ACYP1: variants seen among roughly 807,000 people sequenced by gnomAD.
The protein encoded by ACYP1 is acylphosphatase 1.
Under a neutral mutation model 10.4 loss-of-function variants are expected in ACYP1, and 8 were observed. The ratio of observed to expected loss-of-function variants is 0.77; its 90% CI spans 0.45 to 1.38. The LOEUF (loss-of-function observed/expected upper bound fraction) is 1.38. Among genes scored for constraint, ACYP1 ranks in the 40% most tolerant of loss-of-function variants. The pLI is 0.00. For missense variants in ACYP1, 93 were observed against 117.3 expected, an observed-to-expected ratio of 0.79 and a Z score of 0.96; for synonymous variants, 38 against 40.8, an observed-to-expected ratio of 0.93 and a Z score of 0.26.
In ACYP1 at chr14:75,063,988, T is replaced by C; in HGVS notation, c.-43A>G. On this transcript the variant is annotated 5_prime_UTR_variant, in exon 1 of 3. Transcript: ENST00000238618. ...CTTCCCCACCGGCTGCCAGGATCAC[T>C]CCGGGACCACCACGCCAACGGCTCA... 1.0e-6 allele frequency: 1 copy of C among 993,060 alleles called. No individual in the cohort carries two copies. Among genetic ancestry groups the C allele is most frequent in the Non-Finnish European group, 1.2e-6 (1 of 834,144 alleles). 61.5% of individuals were successfully genotyped at this position (993,060 alleles called of 1,614,324 possible).
In ACYP1 at chr14:75,053,446, A is replaced by G. The variant is rs1458766286; in HGVS notation, c.298T>C (p.Ter100GlnextTer33). Residue 100 changes from the stop codon to glutamine (Q), a stop_lost, in exon 3 of 3, where the codon TAA (stop) becomes CAA (glutamine). Coordinates refer to ENST00000238618, the MANE Select transcript of ACYP1 (RefSeq NM_001107.5). Reference protein sequence around the residue: ...LDYSDFQIVK* With the variant: ...LDYSDFQIVKQ ...TTAGAAAACTTAAATTCAGGCCATTATTTTACAATTTGGAAGTCTGAGTAA... is the reference window on the plus strand; with the variant it reads ...TTAGAAAACTTAAATTCAGGCCATTGTTTTACAATTTGGAAGTCTGAGTAA... The G allele has an allele frequency of 4.3e-6, 7 of 1,613,892 alleles. No individual in the cohort carries two copies. The East Asian group carries it at 6.7e-5, about 15-fold the overall frequency.
chr14:75,057,830 T>G (rs1048622142), intron 2 of ACYP1, among the ~76,000 whole-genome samples: 27 of 149,616 alleles, frequency 1.8e-4, no homozygotes, highest in South Asian at 8.7e-4. Flanking sequence ...CCGGGCGCAG[T>G]GGTGGGTGCC....
At chr14:75,063,663 T>C (rs1893085921) in intron 1 of ACYP1, 102 bp from the exon 2 acceptor site, 7 of 912,852 alleles carry the variant, frequency 7.7e-6, no homozygotes, top group Non-Finnish European at 1.2e-5. Context: ...TCCTTAACCA[T>C]TGCGACCTCT....
At chr14:75,068,481 G>GGA (rs528752008), upstream of ACYP1, among the ~76,000 whole-genome samples, 2 of 151,618 alleles carry the variant, frequency 1.3e-5, no homozygotes, top group African/African-American at 4.8e-5. Flanking sequence ...GGAGAGGGAA[G>GGA]GAGAGAGAGA....
chr14:75,062,842 G>A (rs915679062), intron 2 of ACYP1, among the ~76,000 whole-genome samples: 1 of 152,178 alleles, frequency 6.6e-6, no homozygotes, highest in Non-Finnish European at 1.5e-5. Flanking sequence ...GCTGCCAACA[G>A]TTTGTCCATC....
At chr14:75,060,944 G>A (rs1309574971) in intron 2 of ACYP1, among the ~76,000 whole-genome samples, 9 of 152,104 alleles carry the variant, frequency 5.9e-5, no homozygotes, top group African/African-American at 2.2e-4. Context: ...GTGCATGCCT[G>A]TAATCCCGGC....
At chr14:75,061,755 G>A in intron 2 of ACYP1, 1 of 1,579,138 alleles carries the variant, frequency 6.3e-7, no homozygotes, top group Non-Finnish European at 8.7e-7. Flanking sequence ...GTTTTCAACA[G>A]TCATTTCCTA....
chr14:75,061,292 A>G (rs995299283), intron 2 of ACYP1, among the ~76,000 whole-genome samples: 1 of 152,170 alleles, frequency 6.6e-6, no homozygotes, highest in Non-Finnish European at 1.5e-5. Context: ...GATGGGTTTT[A>G]TGGGATGTAA....
chr14:75,063,986 A>G lies in ACYP1; in HGVS notation c.-41T>C, dbSNP rs1010858159. ...GTCTTCCCCACCGGCTGCCAGGATCACTCCGGGACCACCACGCCAACGGCT... is the reference window on the plus strand; with the variant it reads ...GTCTTCCCCACCGGCTGCCAGGATCGCTCCGGGACCACCACGCCAACGGCT... On this transcript the variant is annotated 5_prime_UTR_variant, in exon 1 of 3. Coordinates refer to ENST00000238618, the MANE Select transcript of ACYP1 (RefSeq NM_001107.5). The G allele has an allele frequency of 1.0e-6, 1 of 994,238 alleles. No homozygotes were observed. Among genetic ancestry groups the G allele is most frequent in the Admixed American group, 5.7e-5 (1 of 17,582 alleles). 61.6% of individuals were successfully genotyped at this position (994,238 alleles called of 1,614,324 possible).
upstream of ACYP1, among the ~76,000 whole-genome samples, chr14:75,068,326 C>A (rs1237253743): frequency 6.6e-6 from 1 of 151,970 alleles, no homozygotes; most frequent in Non-Finnish European, 1.5e-5. Context: ...CTTTAAAAAA[C>A]CCCAAAAACC....
intron 2 of ACYP1, among the ~76,000 whole-genome samples, chr14:75,062,230 T>C (rs1217626640): frequency 6.7e-6 from 1 of 150,168 alleles, no homozygotes; most frequent in African/African-American, 2.5e-5. Flanking sequence ...GCCTGGGAGT[T>C]TGAGACCAGC....
chr14:75,069,171 T>C (rs1332276836), intron 1 of ACYP1: 3 of 1,511,012 alleles, frequency 2.0e-6, no homozygotes, highest in Admixed American at 2.1e-5. Context: ...TCCAAAGCCT[T>C]GGCGAGGACA....
At chr14:75,067,636 G>C (rs1421272752), upstream of ACYP1, among the ~76,000 whole-genome samples, 1 of 152,116 alleles carries the variant, frequency 6.6e-6, no homozygotes, top group Non-Finnish European at 1.5e-5. Flanking sequence ...GTTTTGCAGG[G>C]GAAAGTTGAG....
upstream of ACYP1, among the ~76,000 whole-genome samples, chr14:75,067,379 T>TG (rs1232113117): frequency 2.0e-5 from 3 of 152,008 alleles, no homozygotes; most frequent in Non-Finnish European, 2.9e-5. Flanking sequence ...TCTAAGTGGG[T>TG]GGATAATCAG....
At chr14:75,061,075 C>CCCA (rs1327414763) in intron 2 of ACYP1, among the ~76,000 whole-genome samples, 38 of 113,496 alleles carry the variant, frequency 3.3e-4, no homozygotes, top group Admixed American at 2.5e-3. Flanking sequence ...GAGACTCTGT[C>CCCA]TCAACAACAA....
At chr14:75,068,340 A>G (rs149215001), upstream of ACYP1, among the ~76,000 whole-genome samples, 581 of 152,248 alleles carry the variant, frequency 3.8e-3, 4 homozygotes, top group African/African-American at 0.013. Flanking sequence ...AAAAACCAAC[A>G]AAACAGAAAA....
chr14:75,065,322 G>C (rs1335483194), upstream of ACYP1, among the ~76,000 whole-genome samples: 2 of 152,220 alleles, frequency 1.3e-5, no homozygotes, highest in African/African-American at 4.8e-5. Context: ...GTTTGTGACA[G>C]TAGGCACGGA....
At chr14:75,061,673 C>T in intron 2 of ACYP1, 1 of 1,567,732 alleles carries the variant, frequency 6.4e-7, no homozygotes, top group Non-Finnish European at 8.7e-7. Flanking sequence ...CCTTAATTTA[C>T]AGGAACTTAC....
At chr14:75,064,233 C>G (rs1344547922), upstream of ACYP1, 3 of 154,510 alleles carry the variant, frequency 1.9e-5, no homozygotes, top group African/African-American at 7.2e-5. Flanking sequence ...TAGCCCTCAT[C>G]GCATCTCAGT....
Sources: allele counts gnomAD v4.1 joint callset (sites outside exome capture counted in the v4.1 genomes callset), GRCh38; gene constraint gnomAD v4.1.1; transcripts MANE v1.5; gene names NCBI Gene and HGNC (gene_info 2026-07-23, HGNC 2026-07-21).